PRKAR1B: variants seen among roughly 807,000 people sequenced by gnomAD.
PRKAR1B encodes protein kinase cAMP-dependent type I regulatory subunit beta, also known as cAMP-dependent protein kinase type I-beta regulatory subunit.
Under a neutral mutation model 46.5 loss-of-function variants are expected in PRKAR1B, and 22 were observed. The observed-to-expected ratio is 0.47, with a 90% CI of 0.34 to 0.68. The LOEUF is 0.68. PRKAR1B is among the 30% of genes least tolerant of loss of function. The probability of loss-of-function intolerance (pLI) is 0.01; values close to 1 mark genes in which losing one functional copy is unlikely to be tolerated. For synonymous variants in PRKAR1B, 259 were observed against 217.7 expected, an observed-to-expected ratio of 1.19 and a Z score of -1.67; for missense variants, 445 against 535.6, an observed-to-expected ratio of 0.83 and a Z score of 1.67.
intron 1 of PRKAR1B, among the ~76,000 whole-genome samples, chr7:724,212 C>A (rs931133844): frequency 3.3e-5 from 5 of 152,164 alleles, no homozygotes; most frequent in African/African-American, 7.2e-5. Flanking sequence ...CCGTCTCCCA[C>A]CTCCGCCCTT....
At chr7:572,556 G>C (rs1304709138) in intron 9 of PRKAR1B, among the ~76,000 whole-genome samples, 1 of 152,186 alleles carries the variant, frequency 6.6e-6, no homozygotes, top group Admixed American at 6.5e-5. Flanking sequence ...TCACAGGTGT[G>C]AGCAGGGGCT....
At chr7:615,216 A>G (rs1337033607) in intron 4 of PRKAR1B, among the ~76,000 whole-genome samples, 1 of 151,374 alleles carries the variant, frequency 6.6e-6, no homozygotes, top group African/African-American at 2.4e-5. Context: ...ACAAGGTCGG[A>G]AGATCGAGAC....
chr7:660,731 T>A, intron 4 of PRKAR1B, among the ~76,000 whole-genome samples: 1 of 91,434 alleles, frequency 1.1e-5, no homozygotes, highest in Non-Finnish European at 2.1e-5. Flanking sequence ...ATGGCACAGG[T>A]CCCCACCCCA....
At chr7:615,503 A>G (rs1782752902) in intron 4 of PRKAR1B, among the ~76,000 whole-genome samples, 1 of 151,576 alleles carries the variant, frequency 6.6e-6, no homozygotes, top group South Asian at 2.1e-4. Flanking sequence ...AGGAAAGGAA[A>G]GGAAAAAAGG....
intron 4 of PRKAR1B, among the ~76,000 whole-genome samples, chr7:654,688 C>T (rs1785098494): frequency 1.5e-5 from 1 of 65,038 alleles, no homozygotes; most frequent in Non-Finnish European, 3.2e-5. Flanking sequence ...TCACCATCCT[C>T]ATCACCTTCA....
intron 4 of PRKAR1B, 91 bp from the exon 5 acceptor site, chr7:607,543 G>T (rs546009306): frequency 4.5e-6 from 5 of 1,107,034 alleles, no homozygotes; most frequent in Non-Finnish European, 6.8e-6. Flanking sequence ...TGTGTAAATC[G>T]CTTCACAGTC....
At position 680,700 on chromosome 7, in the gene PRKAR1B, C is replaced by T; in HGVS notation, c.204G>A (p.Arg68=). The T allele has an allele frequency of 1.2e-6, 2 of 1,613,880 alleles. No individual in the cohort carries two copies. The highest frequency in any genetic ancestry group is 1.1e-5 in the South Asian group (1 of 91,050). ...EKEENRQILA[R]QKSNSQSDSH... is the part of the protein sequence containing the mutation. ...AGTCCGACTGTGAGTTTGACTTTTGCCGCGCCAAAATCTGCCTGTTTTCTT... is the reference window on the plus strand; with the variant it reads ...AGTCCGACTGTGAGTTTGACTTTTGTCGCGCCAAAATCTGCCTGTTTTCTT... Residue 68 remains arginine, a synonymous_variant, in exon 3 of 11, where the codon CGG becomes CGA. Transcript: ENST00000537384.
chr7:653,593 G>A (rs1275281680), intron 4 of PRKAR1B, among the ~76,000 whole-genome samples: 2 of 152,242 alleles, frequency 1.3e-5, no homozygotes, highest in South Asian at 2.1e-4. Flanking sequence ...AGTCACAGTC[G>A]TTGATGGATG....
At chr7:569,049 TATA>T (rs1218836272) in intron 9 of PRKAR1B, among the ~76,000 whole-genome samples, 1 of 149,808 alleles carries the variant, frequency 6.7e-6, no homozygotes, top group African/African-American at 2.5e-5. Flanking sequence ...TTAAACTTTG[TATA>T]ATGTTACTTA....
chr7:585,198 C>T (rs1045079788), intron 7 of PRKAR1B, among the ~76,000 whole-genome samples: 11 of 152,160 alleles, frequency 7.2e-5, no homozygotes, highest in African/African-American at 2.4e-4. Context: ...AAACACACCC[C>T]TTCTTTAAGC....
At chr7:554,558 G>A (rs1180560585) in intron 9 of PRKAR1B, among the ~76,000 whole-genome samples, 2 of 152,176 alleles carry the variant, frequency 1.3e-5, no homozygotes, top group Non-Finnish European at 1.5e-5. Context: ...AGGCTGGTAA[G>A]GTCTAATAAA....
At chr7:636,325 CACG>C (rs1784075212) in intron 4 of PRKAR1B, among the ~76,000 whole-genome samples, 1 of 10,008 alleles carries the variant, frequency 1.0e-4, no homozygotes, top group Non-Finnish European at 2.0e-4. Flanking sequence ...GCCGCGCCCA[CACG>C]TCCTCCACCG....
At position 560,067 on chromosome 7, in the gene PRKAR1B, C is replaced by G. The variant is rs570374103; in HGVS notation, c.892-8597G>C. Among the ~76,000 whole-genome samples, 7 of 152,268 alleles carry G rather than the reference C, an allele frequency of 4.6e-5. No homozygotes were observed. Among genetic ancestry groups the G allele is most frequent in the African/African-American group, 1.7e-4 (7 of 41,530 alleles). ...ATGACAAGGTTTGGCGGTGTCCCCA[C>G]CCAAATCTCATCTTGAGTTGTAGCT... On this transcript the variant is annotated intron_variant, in intron 9 of 10. Coordinates refer to ENST00000537384, the MANE Select transcript of PRKAR1B (RefSeq NM_001164760.2). This position sits in a 1 kb window ranked among gnomAD's most constrained non-coding sequence, Gnocchi z 4.2.
chr7:595,550 C>T (rs1446591003), intron 7 of PRKAR1B, among the ~76,000 whole-genome samples: 3 of 152,136 alleles, frequency 2.0e-5, no homozygotes, highest in Admixed American at 6.5e-5. Context: ...GGGTCCTCCC[C>T]GGGCTCCCCA....
At chr7:657,910 C>T (rs1785297287) in intron 4 of PRKAR1B, among the ~76,000 whole-genome samples, 1 of 152,048 alleles carries the variant, frequency 6.6e-6, no homozygotes, top group Non-Finnish European at 1.5e-5. Context: ...TTGCGTAATT[C>T]CCACTGAGCC....
chr7:621,481 C>G (rs146675567), intron 4 of PRKAR1B, among the ~76,000 whole-genome samples: 58 of 152,330 alleles, frequency 3.8e-4, no homozygotes, highest in East Asian at 2.5e-3. Context: ...ACTCCCAAAG[C>G]AAGAATTCAG....
At position 660,201 on chromosome 7, in the gene PRKAR1B, G is replaced by A. The variant is rs189194627; in HGVS notation, c.440+17028C>T. Among the ~76,000 whole-genome samples, 1,019 of 152,054 alleles carry A rather than the reference G, an allele frequency of 6.7e-3. 16 individuals are homozygous for A. The highest frequency in any genetic ancestry group is 0.024 in the African/African-American group (983 of 41,430). On this transcript the variant is annotated intron_variant, in intron 4 of 10. Coordinates refer to ENST00000537384, the MANE Select transcript of PRKAR1B (RefSeq NM_001164760.2). ...TCCCGGCTCCATGTTCCGGGTTCTG[G>A]TTCCACCCAGGCCTGGCATCACCTC...
chr7:720,203 C>T (rs960989813), intron 1 of PRKAR1B, among the ~76,000 whole-genome samples: 10 of 151,888 alleles, frequency 6.6e-5, no homozygotes, highest in Admixed American at 3.9e-4. Flanking sequence ...ATTACAGGTG[C>T]GTGCCACCAC....
intron 7 of PRKAR1B, 133 bp downstream of exon 7, chr7:596,013 A>G (rs942000523): frequency 8.5e-7 from 1 of 1,180,056 alleles, no homozygotes; most frequent in Admixed American, 2.8e-5. Context: ...CTCCTCTCAC[A>G]GGCCAGATCT....
Sources: gnomAD v4.1 joint callset for allele counts (sites outside exome capture counted in the v4.1 genomes callset) on GRCh38, gnomAD v4.1.1 for gene constraint, Gnocchi (gnomAD v3.1) non-coding constraint, MANE v1.5 for transcripts, NCBI Gene and HGNC (gene_info 2026-07-23, HGNC 2026-07-21) for gene names.